Variants in MAGI2 observed in about 807,000 individuals in gnomAD.
MAGI2 encodes the protein membrane-associated guanylate kinase, WW and PDZ domain-containing protein 2.
MAGI2 carries 35 observed loss-of-function variants against 133.3 expected under a neutral mutation model. That is an observed-to-expected ratio of 0.26 (90% CI 0.20 to 0.35). The LOEUF (loss-of-function observed/expected upper bound fraction) is 0.35. Among genes scored for constraint, MAGI2 ranks in the 10% least tolerant of loss-of-function variants. The pLI is 1.00. For missense variants in MAGI2, 1,636 were observed against 1,863.4 expected (o/e 0.88, Z 2.25); for synonymous variants, 729 against 710.6 (o/e 1.03, Z -0.41).
At chr7:78,931,015 G>C (rs545022215) in intron 2 of MAGI2, among the ~76,000 whole-genome samples, 2 of 152,172 alleles carry the variant, frequency 1.3e-5, no homozygotes, top group South Asian at 4.1e-4. Flanking sequence ...TTTGCAGATA[G>C]GAGTAGAAGA....
chr7:78,522,529 G>T (rs558685324), intron 3 of MAGI2, among the ~76,000 whole-genome samples: 1 of 151,980 alleles, frequency 6.6e-6, no homozygotes, highest in African/African-American at 2.4e-5. Flanking sequence ...ACAGGCGTGC[G>T]CCACCAGTTC....
At chr7:79,294,142 C>T (rs1388118130) in intron 1 of MAGI2, among the ~76,000 whole-genome samples, 1 of 136,412 alleles carries the variant, frequency 7.3e-6, no homozygotes, top group Non-Finnish European at 1.5e-5. Context: ...TGCACCATTG[C>T]ATTCCAGCCC....
intron 6 of MAGI2, among the ~76,000 whole-genome samples, chr7:78,483,186 T>A (rs912393190): frequency 1.3e-5 from 2 of 151,930 alleles, no homozygotes; most frequent in Non-Finnish European, 2.9e-5. Flanking sequence ...AATTTATAAT[T>A]ATTTCAAAAT....
chr7:78,526,593 G>C (rs1796973476), intron 3 of MAGI2, among the ~76,000 whole-genome samples: 1 of 152,256 alleles, frequency 6.6e-6, no homozygotes, highest in African/African-American at 2.4e-5. Context: ...CAAAATAAGA[G>C]AGAAAGTCAT....
chr7:78,759,107 A>G lies in MAGI2; in HGVS notation c.419-131868T>C, dbSNP rs112384206. The stretch of plus-strand genomic sequence containing the variant: ...CAAATACAACTCTACCTATATAAAC[A>G]TATTTTTGGGAAAATCACTGTCAGA... On this transcript the variant is annotated intron_variant, in intron 2 of 21. Transcript: ENST00000354212. Among the ~76,000 whole-genome samples, 224 of 152,300 alleles carry G rather than the reference A, an allele frequency of 1.5e-3. 1 individual carries two copies. The highest frequency in any genetic ancestry group is 4.5e-3 in the African/African-American group (188 of 41,574).
chr7:79,325,114 A>T (rs1839589820), intron 1 of MAGI2, among the ~76,000 whole-genome samples: 1 of 152,034 alleles, frequency 6.6e-6, no homozygotes. Flanking sequence ...AATCTTCAGC[A>T]ACTTCAGATG....
At chr7:78,778,237 A>G (rs891984536) in intron 2 of MAGI2, among the ~76,000 whole-genome samples, 1 of 152,232 alleles carries the variant, frequency 6.6e-6, no homozygotes, top group African/African-American at 2.4e-5. Flanking sequence ...AACGTTTGCC[A>G]GAGCTGAACC....
At chr7:79,185,492 T>C (rs1018947697) in intron 1 of MAGI2, among the ~76,000 whole-genome samples, 4 of 150,036 alleles carry the variant, frequency 2.7e-5, no homozygotes, top group African/African-American at 9.8e-5. Context: ...TTGGAGCATG[T>C]GGCAGTTGGT....
rs1018824424 is a variant in MAGI2, at chr7:78,945,378, G to A, written c.418+61712C>T. 6.6e-5 allele frequency among the ~76,000 whole-genome samples: 10 copies of A among 152,062 alleles called. 1 individual carries two copies. In the South Asian group the frequency reaches 8.3e-4, roughly 13 times the overall value. ...GCCTGGCCCTCTTTATTTTTAAATA[G>A]ATAACATTGTATGTTTTTTCTTATA... On this transcript the variant is annotated intron_variant, in intron 2 of 21. Transcript: ENST00000354212.
intron 9 of MAGI2, among the ~76,000 whole-genome samples, chr7:78,336,236 G>A (rs1789746172): frequency 6.6e-6 from 1 of 152,070 alleles, no homozygotes; most frequent in African/African-American, 2.4e-5. Flanking sequence ...GCTTATTGTT[G>A]AACACTGCTT....
chr7:78,143,101 T>G (rs144667122), intron 16 of MAGI2, among the ~76,000 whole-genome samples: 1 of 152,218 alleles, frequency 6.6e-6, no homozygotes, highest in East Asian at 1.9e-4. Flanking sequence ...CTCAGGACTT[T>G]CCAATCAAGG....
chr7:78,099,870 T>G (rs2151241315), intron 20 of MAGI2, among the ~76,000 whole-genome samples: 1 of 152,326 alleles, frequency 6.6e-6, no homozygotes, highest in African/African-American at 2.4e-5. Flanking sequence ...CACTTTAATG[T>G]GCCAATGATA....
At chr7:79,109,020 C>T (rs1818685124) in intron 1 of MAGI2, among the ~76,000 whole-genome samples, 1 of 152,196 alleles carries the variant, frequency 6.6e-6, no homozygotes, top group Admixed American at 6.5e-5. Flanking sequence ...ACCATGCTTC[C>T]TGTACAGCCT....
chr7:78,903,512 G>A (rs181715794), intron 2 of MAGI2, among the ~76,000 whole-genome samples: 34 of 152,152 alleles, frequency 2.2e-4, no homozygotes, highest in African/African-American at 3.4e-4. Context: ...TGAATCTTAA[G>A]CTGTGTGACT....
intron 2 of MAGI2, among the ~76,000 whole-genome samples, chr7:78,933,823 A>G (rs542504809): frequency 6.6e-6 from 1 of 152,276 alleles, no homozygotes; most frequent in Admixed American, 6.5e-5. Flanking sequence ...GACAAAAAAT[A>G]TTGTTAATGA....
chr7:78,952,201 G>A (rs935574646), intron 2 of MAGI2, among the ~76,000 whole-genome samples: 3 of 152,058 alleles, frequency 2.0e-5, no homozygotes, highest in Non-Finnish European at 2.9e-5. Context: ...AAGACTTCTG[G>A]TCTTACAACT....
chr7:78,431,834 A>G (rs1799823236), intron 6 of MAGI2, among the ~76,000 whole-genome samples: 2 of 152,008 alleles, frequency 1.3e-5, no homozygotes, highest in Non-Finnish European at 2.9e-5. Flanking sequence ...TAATACTAGG[A>G]GGAGAAAATA....
chr7:78,275,029 C>T (rs767877852), intron 9 of MAGI2, among the ~76,000 whole-genome samples: 95 of 152,006 alleles, frequency 6.2e-4, no homozygotes, highest in African/African-American at 2.1e-3. Flanking sequence ...TGGTGTCTGG[C>T]CAAATGGCTG....
intron 2 of MAGI2, among the ~76,000 whole-genome samples, chr7:78,881,866 T>C (rs1795866491): frequency 6.6e-6 from 1 of 150,578 alleles, no homozygotes; most frequent in Non-Finnish European, 1.5e-5. Context: ...AAATTAATGA[T>C]CTAACATCAC....
Sources: gnomAD v4.1 joint callset for allele counts (sites outside exome capture counted in the v4.1 genomes callset) on GRCh38, gnomAD v4.1.1 for gene constraint, MANE v1.5 for transcripts, NCBI Gene and HGNC (gene_info 2026-07-23, HGNC 2026-07-21) for gene names.